SAMD11: variants seen among roughly 807,000 people sequenced by gnomAD.
SAMD11 encodes the protein sterile alpha motif domain containing 11.
SAMD11 carries 77 observed loss-of-function variants against 64.4 expected under a neutral mutation model. The observed-to-expected ratio is 1.20, with a 90% CI of 0.99 to 1.44. SAMD11 has a LOEUF of 1.44. Among genes scored for constraint, SAMD11 ranks in the 40% most tolerant of loss-of-function variants. The pLI is 0.00. For synonymous variants in SAMD11, 658 were observed against 421.9 expected, an observed-to-expected ratio of 1.56 and a Z score of -6.86; for missense variants, 1,402 against 943.3, an observed-to-expected ratio of 1.49 and a Z score of -6.37.
chr1:937,630 C>T (rs981377382), intron 5 of SAMD11, among the ~76,000 whole-genome samples: 2 of 152,126 alleles, frequency 1.3e-5, no homozygotes, highest in African/African-American at 4.8e-5. Context: ...GCACGGGAGG[C>T]TGTGGGGGAG....
intron 1 of SAMD11, among the ~76,000 whole-genome samples, chr1:925,409 TGGCGCCTGCG>T (rs1406375528): frequency 2.6e-4 from 4 of 15,198 alleles, no homozygotes; most frequent in Non-Finnish European, 0.025. Flanking sequence ...CAACCTGTTT[TGGCGCCTGCG>T]GGCGCCTGGG....
chr1:939,412 G>C lies in SAMD11; in HGVS notation c.1195G>C (p.Asp399His), dbSNP rs767846263. The change falls in exon 7 of 14, where the codon GAT becomes CAT. Residue 399 changes from aspartate (D) to histidine (H), a missense_variant and splice_region_variant. Coordinates refer to ENST00000616016, the MANE Select transcript of SAMD11 (RefSeq NM_001385641.1). ...RLYHLGLPSH[D>H]LLRVRQEVAA... ...CTACCACCTGGGCCTCCCCAGCCACGGTGAGGACCCACCCTGGCATGATCC... is the reference window on the plus strand; with the variant it reads ...CTACCACCTGGGCCTCCCCAGCCACCGTGAGGACCCACCCTGGCATGATCC... The C allele has an allele frequency of 1.4e-6, 2 of 1,441,758 alleles. No individual in the cohort carries two copies. The highest frequency in any genetic ancestry group is 1.9e-6 in the Non-Finnish European group (2 of 1,044,402). The allele number at this position is 1,441,758 out of a possible 1,614,324, so 89.3% of individuals were successfully genotyped here. A position where few individuals can be genotyped will look rare whatever the true frequency, so the allele number is the denominator to read the frequency against.
chr1:937,976 C>T (rs765295741), intron 5 of SAMD11, among the ~76,000 whole-genome samples: 21 of 152,204 alleles, frequency 1.4e-4, no homozygotes, highest in Non-Finnish European at 2.8e-4. Flanking sequence ...TTGGGAGCCC[C>T]ACTGCCTAGG....
chr1:940,871 C>T (rs1641722349), intron 7 of SAMD11, among the ~76,000 whole-genome samples: 1 of 152,178 alleles, frequency 6.6e-6, no homozygotes, highest in South Asian at 2.1e-4. Context: ...CCCCTCCCCG[C>T]AAGGCTCAGC....
intron 8 of SAMD11, among the ~76,000 whole-genome samples, chr1:941,625 C>T (rs1022487064): frequency 2.0e-5 from 3 of 152,020 alleles, no homozygotes; most frequent in African/African-American, 7.2e-5. Context: ...GAGGGGGGGT[C>T]CTGGCTGGCG....
In SAMD11 at chr1:939,346, G is replaced by C; in HGVS notation, c.1129G>C (p.Ala377Pro). ...GGACCATTACCGCCGGCTTGTGTCA[G>C]CACTGAGCGAGGCCAGCACCTTTGA... ...PEDHYRRLVS[A>P]LSEASTFEDP... The change falls in exon 7 of 14, where the codon GCA becomes CCA. Residue 377 changes from alanine (A) to proline (P), a missense_variant. Transcript: ENST00000616016. 6.2e-7 allele frequency: 1 copy of C among 1,612,078 alleles called. No individual in the cohort carries two copies. Among genetic ancestry groups the C allele is most frequent in the African/African-American group, 1.3e-5 (1 of 74,680 alleles).
rs541154315 is a variant in SAMD11, at chr1:944,291, G to A, written c.*138G>A. 25 of 1,418,474 alleles carry A rather than the reference G, an allele frequency of 1.8e-5. No homozygotes were observed. In the African/African-American group the frequency reaches 2.0e-4, roughly 12 times the overall value. The allele number at this position is 1,418,474 out of a possible 1,614,324, so 87.9% of individuals were successfully genotyped here. A position where few individuals can be genotyped will look rare whatever the true frequency, so the allele number is the denominator to read the frequency against. On this transcript the variant is annotated 3_prime_UTR_variant, in exon 14 of 14. Transcript: ENST00000616016. ...TTTTAAAAGAAAATGTGACTTCAAAGGAAAGGAACAAATTTTCAAAGACTT... is the reference window on the plus strand; with the variant it reads ...TTTTAAAAGAAAATGTGACTTCAAAAGAAAGGAACAAATTTTCAAAGACTT...
At chr1:926,199 G>A (rs1640878808) in intron 2 of SAMD11, among the ~76,000 whole-genome samples, 186 bp downstream of exon 2, 1 of 152,108 alleles carries the variant, frequency 6.6e-6, no homozygotes, top group Non-Finnish European at 1.5e-5. Context: ...CCTGGACGGG[G>A]GAGGAGTCCT....
intron 7 of SAMD11, chr1:940,383 G>A (rs1156494785): frequency 6.7e-6 from 1 of 150,044 alleles, no homozygotes; most frequent in Non-Finnish European, 1.5e-5. Context: ...GGGCCCCGCT[G>A]GGATCGATGC....
At chr1:941,435 G>A in intron 8 of SAMD11, 129 bp downstream of exon 8, 1 of 981,008 alleles carries the variant, frequency 1.0e-6, no homozygotes, top group Non-Finnish European at 1.5e-6. Flanking sequence ...TCCGGGCAGA[G>A]CGTTTCGGGG....
intron 11 of SAMD11, 88 bp from the exon 12 acceptor site, chr1:943,165 A>T: frequency 6.3e-7 from 1 of 1,597,550 alleles, no homozygotes; most frequent in Non-Finnish European, 8.5e-7. Context: ...CCCATCCCCC[A>T]CCTCAGCAAT....
Position 941,412 on chromosome 1 carries a change from C to T in SAMD11, c.1358+106C>T, listed in dbSNP as rs553272505. On this transcript the variant is annotated intron_variant, in intron 8 of 13. Transcript: ENST00000616016. ...CGAGAGTGCCAAGCACTGTGTTCAG[C>T]TCTAGGTTCGGGTCCGGGCAGAGCG... is the stretch of plus-strand genomic sequence containing the variant. The T allele has an allele frequency of 5.1e-6, 6 of 1,186,534 alleles. No individual in the cohort carries two copies. The Admixed American group carries it at 1.7e-4, about 33-fold the overall frequency. The allele number at this position is 1,186,534 out of a possible 1,614,324, so 73.5% of individuals were successfully genotyped here.
rs747962100 is a variant in SAMD11, at chr1:939,367, T to C, written c.1150T>C (p.Phe384Leu). ...GTCAGCACTGAGCGAGGCCAGCACC[T>C]TTGAGGACCCTCAGCGCCTCTACCA... ...LVSALSEAST[F>L]EDPQRLYHLG... is the part of the protein sequence containing the mutation. The change falls in exon 7 of 14, where the codon TTT (phenylalanine) becomes CTT (leucine). Residue 384 changes from phenylalanine to leucine, a missense_variant. By Grantham distance (22) the Phe-to-Leu change is conservative. Coordinates refer to ENST00000616016, the MANE Select transcript of SAMD11 (RefSeq NM_001385641.1). The C allele has an allele frequency of 1.9e-6, 3 of 1,606,336 alleles. No homozygotes were observed. The highest frequency in any genetic ancestry group is 2.5e-6 in the Non-Finnish European group (3 of 1,179,490).
At position 943,788 on chromosome 1, in the gene SAMD11, G is replaced by T; in HGVS notation, c.2269G>T (p.Ala757Ser). ...LTNMGLKLGP[A>S]LKIRAQVARR... The stretch of plus-strand genomic sequence containing the variant: ...CAACATGGGGCTGAAGCTGGGGCCC[G>T]CCCTCAAGATCCGGGCCCAGGTGAG... The change falls in exon 13 of 14, where the codon GCC (alanine) becomes TCC (serine). Residue 757 changes from alanine (A) to serine (S), a missense_variant. Physicochemically the swap from Ala to Ser is moderately conservative, Grantham distance 99 (BLOSUM62 1). Coordinates refer to ENST00000616016, the MANE Select transcript of SAMD11 (RefSeq NM_001385641.1). The T allele has an allele frequency of 1.9e-6, 3 of 1,612,552 alleles. No homozygotes were observed. Among genetic ancestry groups the T allele is most frequent in the Non-Finnish European group, 2.5e-6 (3 of 1,179,904 alleles).
intron 4 of SAMD11, among the ~76,000 whole-genome samples, chr1:933,992 T>TCCGTTACAGGTGGGCAGGGGAG (rs1641291246): frequency 6.8e-6 from 1 of 147,160 alleles, no homozygotes; most frequent in African/African-American, 2.6e-5. Flanking sequence ...GGGAGGCGGC[T>TCCGTTACAGGTGGGCAGGGGAG]GCGTTACAGG....
rs931620809 is a variant in SAMD11, at chr1:938,529, G to GT, written c.968-510dup. ...GTATGACCAAGTAGGAGGCCTGGGA[G>GT]TGGAGGCGCCTCGAGGCGGCCTGGG... is the stretch of plus-strand genomic sequence containing the variant. On this transcript the variant is annotated intron_variant, in intron 5 of 13. Coordinates refer to ENST00000616016, the MANE Select transcript of SAMD11 (RefSeq NM_001385641.1). Among the ~76,000 whole-genome samples, 11 of 152,194 alleles carry GT rather than the reference G, an allele frequency of 7.2e-5. 1 individual carries two copies.
chr1:939,235 G>A (rs1389235351), intron 6 of SAMD11, 40 bp from the exon 7 acceptor site: 3 of 1,562,254 alleles, frequency 1.9e-6, no homozygotes, highest in Non-Finnish European at 2.6e-6. Context: ...GTCCTCGGCA[G>A]TGCCTGGAGA....
chr1:941,772 C>T (rs1380249472), intron 8 of SAMD11, among the ~76,000 whole-genome samples: 2 of 152,098 alleles, frequency 1.3e-5, no homozygotes, highest in African/African-American at 2.4e-5. Context: ...GGCCCGAGTC[C>T]CTGCCCGGCC....
rs1374264722 is a variant in SAMD11, at chr1:944,449, C to T, written c.*296C>T. 1 of 905,570 alleles carries T rather than the reference C, an allele frequency of 1.1e-6. No homozygotes were observed. The highest frequency in any genetic ancestry group is 1.6e-6 in the Non-Finnish European group (1 of 642,326). The allele number at this position is 905,570 out of a possible 1,614,324, so 56.1% of individuals were successfully genotyped here. Reference sequence around the variant, plus strand: ...GGTCTCGGTCTGCTGACGTCAGGGTCAGCTCCCCCGCGGAGCTGACTTCAG... The same window carrying T: ...GGTCTCGGTCTGCTGACGTCAGGGTTAGCTCCCCCGCGGAGCTGACTTCAG... On this transcript the variant is annotated 3_prime_UTR_variant, in exon 14 of 14. Transcript: ENST00000616016.
Sources: allele counts gnomAD v4.1 joint callset (sites outside exome capture counted in the v4.1 genomes callset), GRCh38; gene constraint gnomAD v4.1.1; transcripts MANE v1.5; gene names NCBI Gene and HGNC (gene_info 2026-07-23, HGNC 2026-07-21).